Variants in LGALS16 observed in about 807,000 individuals in gnomAD.
LGALS16 encodes the protein galectin 16.
A neutral mutation model predicts 13.2 loss-of-function variants in LGALS16; 15 were observed. The observed-to-expected ratio is 1.13, with a 90% CI of 0.76 to 1.75. The LOEUF (loss-of-function observed/expected upper bound fraction) is 1.75. LGALS16 is among the 40% of genes most tolerant of loss of function. The pLI, the probability that LGALS16 is intolerant of heterozygous loss-of-function variation, is 0.00. For missense variants in LGALS16, 198 were observed against 178.4 expected (o/e 1.11, Z -0.63); for synonymous variants, 66 against 65.4 (o/e 1.01, Z -0.05).
chr19:39,659,835 G>A (rs1478790800), intron 3 of LGALS16, among the ~76,000 whole-genome samples: 2 of 152,182 alleles, frequency 1.3e-5, no homozygotes, highest in Non-Finnish European at 2.9e-5. Flanking sequence ...AGATTCAAGT[G>A]AGGGATCTTT....
intron 1 of LGALS16, among the ~76,000 whole-genome samples, chr19:39,656,278 G>A (rs913963396): frequency 5.9e-5 from 9 of 152,282 alleles, no homozygotes; most frequent in African/African-American, 2.2e-4. Flanking sequence ...GCAGGTGTTT[G>A]TGTGAGTGTA....
At chr19:39,659,980 G>A (rs1973241256) in intron 3 of LGALS16, among the ~76,000 whole-genome samples, 1 of 152,194 alleles carries the variant, frequency 6.6e-6, no homozygotes, top group African/African-American at 2.4e-5. Flanking sequence ...GAGGAACTGT[G>A]CCATCAGTAG....
rs767454698 is a variant in LGALS16, at chr19:39,655,977, G to A, written c.15+1G>A. The A allele has an allele frequency of 2.5e-6, 4 of 1,613,578 alleles. No homozygotes were observed. In the South Asian group the frequency reaches 4.4e-5, roughly 18 times the overall value. ...GGAGAGGACAATGTCATTTCTAACT[G>A]TGAGTTGAAAAGGCACAGCCTTCAA... On this transcript the variant is annotated splice_donor_variant, in intron 1 of 3. Coordinates refer to ENST00000392051, the MANE Select transcript of LGALS16 (RefSeq NM_001190441.3). LOFTEE classifies it high-confidence loss of function.
intron 3 of LGALS16, 74 bp downstream of exon 3, chr19:39,658,744 G>A (rs1260811689): frequency 7.4e-6 from 7 of 947,324 alleles, no homozygotes; most frequent in Non-Finnish European, 1.1e-5. Context: ...CATTGACCTG[G>A]CCTCACCAGT....
rs762993816 is a variant in LGALS16 at position 39,658,545 on chromosome 19, C to T, written c.178C>T (p.Arg60Cys). 253 of 1,607,980 alleles carry T rather than the reference C, an allele frequency of 1.6e-4. 1 individual carries two copies. The highest frequency in any genetic ancestry group is 6.6e-4 in the Middle Eastern group (4 of 6,084). ...CTTCCATTTGCGAGTGCACTTAGGC[C>T]GTCGTGTGGTCATGAACAGTCGTGA... The part of the protein sequence containing the change: ...IAFHLRVHLG[R>C]RVVMNSREFG... The change falls in exon 3 of 4, where the codon CGT becomes TGT. Residue 60 changes from arginine (R) to cysteine (C), a missense_variant. Arg to Cys is a radical substitution (Grantham distance 180, BLOSUM62 -3). Coordinates refer to ENST00000392051, the MANE Select transcript of LGALS16 (RefSeq NM_001190441.3).
chr19:39,658,775 T>C (rs1325440817), intron 3 of LGALS16, 105 bp downstream of exon 3: 2 of 710,898 alleles, frequency 2.8e-6, no homozygotes, highest in Non-Finnish European at 4.9e-6. Flanking sequence ...CCATCTCCCG[T>C]AACTACCCCT....
At chr19:39,659,461 C>T (rs1315009379) in intron 3 of LGALS16, among the ~76,000 whole-genome samples, 1 of 152,070 alleles carries the variant, frequency 6.6e-6, no homozygotes, top group Non-Finnish European at 1.5e-5. Context: ...TGGTATGTTG[C>T]TCTACACATT....
chr19:39,657,768 A>T, intron 1 of LGALS16, 115 bp from the exon 2 acceptor site: 1 of 1,116,926 alleles, frequency 9.0e-7, no homozygotes, highest in South Asian at 1.3e-5. Context: ...GTGAATGGGG[A>T]GAGTCCACAG....
chr19:39,657,815 G>C (rs990120249), intron 1 of LGALS16, 68 bp from the exon 2 acceptor site: 2 of 1,541,594 alleles, frequency 1.3e-6, no homozygotes, highest in African/African-American at 2.7e-5. Context: ...TGCACCATGG[G>C]AATATGTTAC....
chr19:39,660,322 G>T, intron 3 of LGALS16, 73 bp from the exon 4 acceptor site: 1 of 1,456,800 alleles, frequency 6.9e-7, no homozygotes, highest in South Asian at 1.3e-5. Context: ...ATTGGTACTA[G>T]GGCAGAGTAG....
At chr19:39,656,461 G>A (rs995812494) in intron 1 of LGALS16, among the ~76,000 whole-genome samples, 3 of 151,908 alleles carry the variant, frequency 2.0e-5, no homozygotes, top group Admixed American at 2.0e-4. Flanking sequence ...GAGTATTGAA[G>A]GGAAAACACG....
chr19:39,660,502 C>A lies in LGALS16; in HGVS notation c.411C>A (p.Val137=). Residue 137 remains valine, a synonymous_variant, in exon 4 of 4, where the codon GTC becomes GTA. Transcript: ENST00000392051. ...WRDVSLDSVL[V]NNGRR ...ATGTCTCCCTGGACTCAGTGCTTGT[C>A]AACAATGGACGGAGATGATCACACT... 1 of 1,545,546 alleles carries A rather than the reference C, an allele frequency of 6.5e-7. No individual in the cohort carries two copies. The highest frequency in any genetic ancestry group is 1.2e-5 in the South Asian group (1 of 84,646).
rs765246667 is a variant in LGALS16, at chr19:39,657,920, C to T, written c.53C>T (p.Ser18Phe). 38 of 1,613,888 alleles carry T rather than the reference C, an allele frequency of 2.4e-5. No individual in the cohort carries two copies. The highest frequency in any genetic ancestry group is 3.1e-5 in the Non-Finnish European group (37 of 1,179,998). The change falls in exon 2 of 4, where the codon TCC becomes TTC. Residue 18 changes from serine to phenylalanine, a missense_variant. Physicochemically the swap from Ser to Phe is radical, Grantham distance 155. Coordinates refer to ENST00000392051, the MANE Select transcript of LGALS16 (RefSeq NM_001190441.3). ...CTGCCTGTGTCTTTGTCTGTTGGTT[C>T]CTGCGTGATAATCAAAGGGACACTG... The part of the protein sequence containing the change: ...YKLPVSLSVG[S>F]CVIIKGTLID...
At chr19:39,658,869 C>T (rs903656599) in intron 3 of LGALS16, among the ~76,000 whole-genome samples, 199 bp downstream of exon 3, 1 of 152,178 alleles carries the variant, frequency 6.6e-6, no homozygotes, top group Non-Finnish European at 1.5e-5. Context: ...TCAAGGTCGG[C>T]TCATCTTCCA....
At chr19:39,657,828 G>A (rs1285191097) in intron 1 of LGALS16, 55 bp from the exon 2 acceptor site, 5 of 1,588,242 alleles carry the variant, frequency 3.1e-6, no homozygotes, top group East Asian at 2.2e-5. Flanking sequence ...TATGTTACAG[G>A]AAGGGAGACT....
intron 1 of LGALS16, among the ~76,000 whole-genome samples, chr19:39,656,590 C>T (rs772494266): frequency 4.9e-4 from 75 of 152,100 alleles, no homozygotes; most frequent in Non-Finnish European, 5.1e-4. Context: ...TGGTAGGGAT[C>T]TTGGAGATTG....
chr19:39,658,940 CATT>C (rs1973229527), intron 3 of LGALS16, among the ~76,000 whole-genome samples: 1 of 152,108 alleles, frequency 6.6e-6, no homozygotes, highest in East Asian at 1.9e-4. Context: ...CTACTTATGC[CATT>C]ATTTAAATTT....
intron 1 of LGALS16, among the ~76,000 whole-genome samples, chr19:39,657,352 T>C (rs1973205648): frequency 6.6e-6 from 1 of 152,188 alleles, no homozygotes; most frequent in Non-Finnish European, 1.5e-5. Context: ...CAGGCTTCAC[T>C]TGTGCAAGTA....
chr19:39,657,499 C>T (rs377579607), intron 1 of LGALS16, among the ~76,000 whole-genome samples: 1 of 152,070 alleles, frequency 6.6e-6, no homozygotes. Context: ...CCCTAACAGG[C>T]CCTACACATG....
Sources: gnomAD v4.1 joint callset for allele counts (sites outside exome capture counted in the v4.1 genomes callset) on GRCh38, gnomAD v4.1.1 for gene constraint, MANE v1.5 for transcripts, NCBI Gene and HGNC (gene_info 2026-07-23, HGNC 2026-07-21) for gene names.